The following ST6GALNAC5 variants were observed in gnomAD, a reference collection of about 807,000 sequenced individuals.
ST6GALNAC5 encodes alpha-N-acetylgalactosaminide alpha-2,6-sialyltransferase 5.
Under a neutral mutation model 33.6 loss-of-function variants are expected in ST6GALNAC5, and 27 were observed. The observed-to-expected ratio is 0.80, with a 90% confidence interval of 0.59 to 1.11. The LOEUF (loss-of-function observed/expected upper bound fraction) is 1.11. ST6GALNAC5 is among the 50% of genes least tolerant of loss of function. ST6GALNAC5 has a pLI of 0.00. For missense variants in ST6GALNAC5, 428 were observed against 454.0 expected (o/e 0.94, Z 0.52); for synonymous variants, 194 against 171.2 (o/e 1.13, Z -1.04).
intron 2 of ST6GALNAC5, among the ~76,000 whole-genome samples, chr1:76,890,339 T>C (rs1053450457): frequency 2.0e-5 from 3 of 152,180 alleles, no homozygotes; most frequent in South Asian, 2.1e-4. Flanking sequence ...ACGTTCCCTA[T>C]GCTTGCTGGA....
At chr1:76,937,989 A>T (rs1647233396) in intron 2 of ST6GALNAC5, among the ~76,000 whole-genome samples, 1 of 151,788 alleles carries the variant, frequency 6.6e-6, no homozygotes. Context: ...GGAAGAAAAG[A>T]ACTTAGAGGA....
At chr1:76,951,667 A>C (rs1361854016) in intron 2 of ST6GALNAC5, among the ~76,000 whole-genome samples, 1 of 152,116 alleles carries the variant, frequency 6.6e-6, no homozygotes, top group Admixed American at 6.6e-5. Context: ...ACTGCCAAGA[A>C]TGTATATTTA....
chr1:76,907,398 C>A (rs546722663), intron 2 of ST6GALNAC5, among the ~76,000 whole-genome samples: 2 of 152,288 alleles, frequency 1.3e-5, no homozygotes, highest in Non-Finnish European at 2.9e-5. Context: ...CTTGAGGCAG[C>A]AGGCTGTCAG....
intron 2 of ST6GALNAC5, among the ~76,000 whole-genome samples, chr1:76,942,952 A>T (rs1189417453): frequency 6.6e-6 from 1 of 152,154 alleles, no homozygotes; most frequent in Non-Finnish European, 1.5e-5. Context: ...ATTTTGAGCC[A>T]TAACAAATTC....
intron 2 of ST6GALNAC5, among the ~76,000 whole-genome samples, chr1:76,929,494 A>C (rs1045014451): frequency 6.6e-6 from 1 of 152,146 alleles, no homozygotes; most frequent in Non-Finnish European, 1.5e-5. Flanking sequence ...AGCTATGATC[A>C]TGCCTCTGCA....
intron 2 of ST6GALNAC5, among the ~76,000 whole-genome samples, chr1:76,969,577 A>G (rs893373946): frequency 1.1e-4 from 16 of 152,332 alleles, no homozygotes; most frequent in African/African-American, 3.4e-4. Flanking sequence ...CTGCCTCTGT[A>G]GACTCCACCT....
rs541160651 is a variant in ST6GALNAC5 at position 77,033,824 on chromosome 1, T to A, written c.262-10380T>A. 7.9e-5 allele frequency among the ~76,000 whole-genome samples: 12 copies of A among 151,638 alleles called. No homozygotes were observed. In the East Asian group the frequency reaches 2.1e-3, roughly 27 times the overall value. On this transcript the variant is annotated intron_variant, in intron 2 of 4. Transcript: ENST00000477717. The stretch of plus-strand genomic sequence containing the variant: ...ATAGAGAGTAGGGTGGGGAGTGAAA[T>A]GAGTGAGGGCCATGAGGCAGACAAG...
At chr1:77,030,108 C>T (rs1651396252) in intron 2 of ST6GALNAC5, among the ~76,000 whole-genome samples, 1 of 152,170 alleles carries the variant, frequency 6.6e-6, no homozygotes, top group Non-Finnish European at 1.5e-5. Context: ...TCAATACCTC[C>T]CATTTCTATG....
chr1:76,895,436 G>A (rs1336926564), intron 2 of ST6GALNAC5, among the ~76,000 whole-genome samples: 2 of 152,126 alleles, frequency 1.3e-5, no homozygotes, highest in Admixed American at 6.5e-5. Flanking sequence ...GTTGTTAGAA[G>A]AAATATTTGT....
chr1:77,031,237 G>A (rs192457419), intron 2 of ST6GALNAC5, among the ~76,000 whole-genome samples: 82 of 152,234 alleles, frequency 5.4e-4, no homozygotes, highest in African/African-American at 2.0e-3. Context: ...TATTTATTTA[G>A]CTAATGGCTG....
chr1:76,990,743 T>C (rs781247007), intron 2 of ST6GALNAC5, among the ~76,000 whole-genome samples: 1 of 152,180 alleles, frequency 6.6e-6, no homozygotes, highest in Non-Finnish European at 1.5e-5. Flanking sequence ...GGCAGTTTGA[T>C]AGCAGACTCA....
At chr1:76,886,922 C>T (rs1224871743) in intron 2 of ST6GALNAC5, among the ~76,000 whole-genome samples, 1 of 152,196 alleles carries the variant, frequency 6.6e-6, no homozygotes, top group African/African-American at 2.4e-5. Flanking sequence ...CATTGTATGG[C>T]TATACCGTAC....
At chr1:77,053,618 T>C (rs1168838271) in intron 4 of ST6GALNAC5, among the ~76,000 whole-genome samples, 2 of 152,110 alleles carry the variant, frequency 1.3e-5, no homozygotes, top group Non-Finnish European at 2.9e-5. Flanking sequence ...TACCTAATGC[T>C]CCATCTCAGA....
intron 2 of ST6GALNAC5, among the ~76,000 whole-genome samples, chr1:77,024,076 T>C (rs1346478334): frequency 6.6e-6 from 1 of 152,202 alleles, no homozygotes; most frequent in Non-Finnish European, 1.5e-5. Context: ...AAGGGCTGCT[T>C]GGTCAGTGTG....
chr1:77,030,582 T>A (rs1651415661), intron 2 of ST6GALNAC5, among the ~76,000 whole-genome samples: 1 of 152,172 alleles, frequency 6.6e-6, no homozygotes. Context: ...GAGGAATAGC[T>A]AGAATACTCG....
At chr1:76,954,316 G>A (rs1647866423) in intron 2 of ST6GALNAC5, among the ~76,000 whole-genome samples, 1 of 152,070 alleles carries the variant, frequency 6.6e-6, no homozygotes, top group South Asian at 2.1e-4. Context: ...CTTATAAGTG[G>A]GAGCTGAATT....
At chr1:76,982,100 C>T (rs895909915) in intron 2 of ST6GALNAC5, among the ~76,000 whole-genome samples, 3 of 152,152 alleles carry the variant, frequency 2.0e-5, no homozygotes, top group Admixed American at 6.5e-5. Flanking sequence ...CAGAGCACCT[C>T]TTCTCCTCCA....
At chr1:76,915,373 G>A (rs1646959912) in intron 2 of ST6GALNAC5, among the ~76,000 whole-genome samples, 1 of 152,058 alleles carries the variant, frequency 6.6e-6, no homozygotes, top group Non-Finnish European at 1.5e-5. Flanking sequence ...AAATCATGCT[G>A]CCATAAAGAC....
intron 2 of ST6GALNAC5, among the ~76,000 whole-genome samples, chr1:77,005,431 T>C (rs1331785560): frequency 1.3e-5 from 2 of 152,220 alleles, no homozygotes; most frequent in Non-Finnish European, 2.9e-5. Flanking sequence ...CAGATGGAAA[T>C]GCAGAAATCA....
Sources: gnomAD v4.1 joint callset for allele counts (sites outside exome capture counted in the v4.1 genomes callset) on GRCh38, gnomAD v4.1.1 for gene constraint, MANE v1.5 for transcripts, NCBI Gene and HGNC (gene_info 2026-07-23, HGNC 2026-07-21) for gene names.